Variants in PRKCH observed in about 807,000 individuals in gnomAD.
PRKCH encodes protein kinase C eta.
PRKCH carries 28 observed loss-of-function variants against 82.5 expected under a neutral mutation model. That is an observed-to-expected ratio of 0.34 (90% confidence interval 0.25 to 0.47). The LOEUF (loss-of-function observed/expected upper bound fraction) is 0.47, where lower values mean the gene tolerates loss of function less well. Ranked by LOEUF, PRKCH falls within the 20% of genes least tolerant of loss-of-function variation. The pLI is 1.00. For synonymous variants in PRKCH, 322 were observed against 327.4 expected (o/e 0.98, Z 0.18); for missense variants, 705 against 881.8 (o/e 0.80, Z 2.54).
chr14:61,193,648 T>C (rs531869127), intron 1 of PRKCH, among the ~76,000 whole-genome samples: 2 of 152,328 alleles, frequency 1.3e-5, no homozygotes, highest in African/African-American at 2.4e-5. Flanking sequence ...AATGAGACCA[T>C]ATTTCTTGGC....
chr14:61,466,521 G>A (rs1885266205), intron 9 of PRKCH, among the ~76,000 whole-genome samples: 1 of 152,106 alleles, frequency 6.6e-6, no homozygotes, highest in Admixed American at 6.5e-5. Context: ...GGGATGGAGG[G>A]GGGCTATCAC....
chr14:61,534,894 GAGTA>G (rs1203368325), intron 12 of PRKCH, among the ~76,000 whole-genome samples: 2 of 152,166 alleles, frequency 1.3e-5, no homozygotes, highest in Non-Finnish European at 2.9e-5. Flanking sequence ...CACGATACAA[GAGTA>G]AGTGATTAGT....
At chr14:61,481,689 G>T (rs527687196) in intron 9 of PRKCH, among the ~76,000 whole-genome samples, 16 of 152,266 alleles carry the variant, frequency 1.1e-4, no homozygotes, top group African/African-American at 3.8e-4. Context: ...ATGTCACCCC[G>T]ATCCCACAAC....
At chr14:61,235,986 G>C (rs1241899179) in intron 1 of PRKCH, among the ~76,000 whole-genome samples, 2 of 152,222 alleles carry the variant, frequency 1.3e-5, no homozygotes, top group Non-Finnish European at 2.9e-5. Flanking sequence ...GGAAGCAGGG[G>C]TCAGACTTGC....
At chr14:61,215,054 T>C (rs1317694644) in intron 1 of PRKCH, among the ~76,000 whole-genome samples, 1 of 152,190 alleles carries the variant, frequency 6.6e-6, no homozygotes, top group East Asian at 1.9e-4. Flanking sequence ...CCTTGTTTCT[T>C]ATTTTCCCTG....
chr14:61,215,281 G>T (rs116672529), intron 1 of PRKCH, among the ~76,000 whole-genome samples: 152 of 152,254 alleles, frequency 1.0e-3, no homozygotes, highest in African/African-American at 3.5e-3. Context: ...GTGGGTCTGG[G>T]TCACATCCAA....
chr14:61,334,281 A>G (rs548843461), intron 1 of PRKCH, among the ~76,000 whole-genome samples: 2 of 152,294 alleles, frequency 1.3e-5, no homozygotes, highest in South Asian at 4.2e-4. Context: ...TCGGCTCTCC[A>G]GCACTGCCGC....
intron 2 of PRKCH, among the ~76,000 whole-genome samples, chr14:61,434,824 C>A (rs985117374): frequency 6.6e-6 from 1 of 152,124 alleles, no homozygotes; most frequent in African/African-American, 2.4e-5. Flanking sequence ...AGTTTGAGAC[C>A]AGCCAGGGCA....
chr14:61,293,431 C>T lies in PRKCH; in HGVS notation c.-19+105763C>T, dbSNP rs190467027. Among the ~76,000 whole-genome samples the T allele has an allele frequency of 3.4e-3, 521 of 152,296 alleles. 7 individuals carry two copies. Among genetic ancestry groups the T allele is most frequent in the Admixed American group, 0.027 (420 of 15,294 alleles). On this transcript the variant is annotated intron_variant, in intron 1 of 3. Transcript: ENST00000555185. ...AAGGGACTTCCCATTGTCCCCTCCC[C>T]TTAAGGTCCACACAGCCCACCTCTG...
intron 2 of PRKCH, among the ~76,000 whole-genome samples, chr14:61,416,144 G>A (rs537096795): frequency 1.0e-4 from 13 of 124,798 alleles, no homozygotes; most frequent in East Asian, 2.8e-4. Context: ...CCTCTGCCCC[G>A]CCCCCGGGCT....
chr14:61,532,532 C>T (rs2043054086), intron 12 of PRKCH, among the ~76,000 whole-genome samples: 1 of 152,108 alleles, frequency 6.6e-6, no homozygotes, highest in Non-Finnish European at 1.5e-5. Context: ...TCTCGTGTTT[C>T]AGAGTCCTCT....
At chr14:61,235,038 G>A (rs1365741985) in intron 1 of PRKCH, among the ~76,000 whole-genome samples, 1 of 152,164 alleles carries the variant, frequency 6.6e-6, no homozygotes, top group Non-Finnish European at 1.5e-5. Flanking sequence ...GGACCCAAAT[G>A]GCCCCCTTAA....
rs2043254644 is a variant in PRKCH, at chr14:61,546,133, T to A, written c.1762-1610T>A. Among the ~76,000 whole-genome samples the A allele has an allele frequency of 2.0e-5, 3 of 152,260 alleles. No homozygotes were observed. In the South Asian group the frequency reaches 6.2e-4, roughly 32 times the overall value. Reference sequence around the variant, plus strand: ...CCTAAGGCAAGAATCTACTCATTTCTTTTTTGTAAGCATTTTCTCCCTTCC... The same window carrying A: ...CCTAAGGCAAGAATCTACTCATTTCATTTTTGTAAGCATTTTCTCCCTTCC... On this transcript the variant is annotated intron_variant, in intron 12 of 13. Coordinates refer to ENST00000332981, the MANE Select transcript of PRKCH (RefSeq NM_006255.5).
intron 3 of PRKCH, among the ~76,000 whole-genome samples, chr14:61,443,522 C>A (rs1188929051): frequency 1.3e-5 from 2 of 152,062 alleles, no homozygotes; most frequent in African/African-American, 4.8e-5. Context: ...AACTGGTCAA[C>A]AAGCATAAAT....
intron 1 of PRKCH, among the ~76,000 whole-genome samples, chr14:61,242,234 G>C (rs1203250039): frequency 6.6e-6 from 1 of 152,134 alleles, no homozygotes; most frequent in Non-Finnish European, 1.5e-5. Context: ...CACCTCCCAT[G>C]CCTCACCAGC....
chr14:61,505,855 A>G, intron 10 of PRKCH, among the ~76,000 whole-genome samples: 1 of 152,106 alleles, frequency 6.6e-6, no homozygotes, highest in East Asian at 1.9e-4. Flanking sequence ...TTCAAACTCA[A>G]ATACCTTCAG....
chr14:61,442,981 G>A (rs1207522942), intron 2 of PRKCH, 130 bp from the exon 3 acceptor site: 1 of 852,260 alleles, frequency 1.2e-6, no homozygotes, highest in African/African-American at 1.7e-5. Flanking sequence ...TTTTAGGGGG[G>A]ATGGTTTAGA....
chr14:61,276,566 G>C (rs2045204291), intron 1 of PRKCH, among the ~76,000 whole-genome samples: 1 of 151,850 alleles, frequency 6.6e-6, no homozygotes, highest in African/African-American at 2.4e-5. Flanking sequence ...ATGTTGGCCA[G>C]GCTGGTCTCG....
chr14:61,502,587 A>G (rs1031511619), intron 10 of PRKCH, among the ~76,000 whole-genome samples: 1 of 152,164 alleles, frequency 6.6e-6, no homozygotes, highest in Non-Finnish European at 1.5e-5. Flanking sequence ...GTAGCAGCAC[A>G]TACTTCTACC....
Sources: gnomAD v4.1 joint callset for allele counts (sites outside exome capture counted in the v4.1 genomes callset) on GRCh38, gnomAD v4.1.1 for gene constraint, MANE v1.5 for transcripts, NCBI Gene and HGNC (gene_info 2026-07-23, HGNC 2026-07-21) for gene names.